XRCC4: variants seen among roughly 807,000 people sequenced by gnomAD.
XRCC4 encodes X-ray repair cross complementing 4, also known as DNA repair protein XRCC4.
Under a neutral mutation model 39.1 loss-of-function variants are expected in XRCC4, and 28 were observed. That is an observed-to-expected ratio of 0.72 (90% CI 0.53 to 0.98). XRCC4 has a LOEUF of 0.98. Among genes scored for constraint, XRCC4 ranks in the 50% least tolerant of loss-of-function variants. The pLI is 0.00. For missense variants in XRCC4, 350 were observed against 376.4 expected (o/e 0.93, Z 0.58); for synonymous variants, 123 against 126.4 (o/e 0.97, Z 0.18).
chr5:83,107,054 G>A (rs1296479224), intron 2 of XRCC4, among the ~76,000 whole-genome samples: 1 of 151,838 alleles, frequency 6.6e-6, no homozygotes, highest in East Asian at 1.9e-4. Context: ...ATTCTCAGGT[G>A]GATTGTTACC....
At chr5:83,338,145 A>C (rs762328261) in intron 7 of XRCC4, among the ~76,000 whole-genome samples, 2 of 152,204 alleles carry the variant, frequency 1.3e-5, no homozygotes, top group Non-Finnish European at 2.9e-5. Flanking sequence ...AAGAAGCTAG[A>C]AGTTGTACAA....
chr5:83,165,845 T>G (rs1330335535), intron 3 of XRCC4, among the ~76,000 whole-genome samples: 2 of 152,070 alleles, frequency 1.3e-5, no homozygotes, highest in African/African-American at 2.4e-5. Flanking sequence ...TATTTCATGG[T>G]GTGTATGTAC....
At chr5:83,190,163 A>G (rs1239995786) in intron 3 of XRCC4, among the ~76,000 whole-genome samples, 3 of 152,122 alleles carry the variant, frequency 2.0e-5, no homozygotes, top group Non-Finnish European at 4.4e-5. Flanking sequence ...CAAAACTACA[A>G]CCAAAAGTTG....
At chr5:83,280,388 T>G (rs1252928753) in intron 7 of XRCC4, 4 of 568,322 alleles carry the variant, frequency 7.0e-6, no homozygotes, top group Non-Finnish European at 1.3e-5. Flanking sequence ...CTTAAAATTC[T>G]TCTCTCTGAA....
intron 6 of XRCC4, among the ~76,000 whole-genome samples, chr5:83,224,599 A>G (rs2112797601): frequency 6.6e-6 from 1 of 152,274 alleles, no homozygotes; most frequent in Middle Eastern, 3.4e-3. Flanking sequence ...ACTTAATTTT[A>G]CCAATGAATT....
chr5:83,152,658 T>G (rs1356117220), intron 3 of XRCC4, among the ~76,000 whole-genome samples: 4 of 144,358 alleles, frequency 2.8e-5, no homozygotes, highest in Non-Finnish European at 4.6e-5. Context: ...AAAAAAGAAA[T>G]AGAACTTCAA....
chr5:83,311,715 CTG>C (rs1755714554), intron 7 of XRCC4, among the ~76,000 whole-genome samples: 1 of 152,004 alleles, frequency 6.6e-6, no homozygotes, highest in African/African-American at 2.4e-5. Flanking sequence ...GTATCTGTAT[CTG>C]TTTTATATAT....
chr5:83,314,716 T>C (rs1375714187), intron 7 of XRCC4, among the ~76,000 whole-genome samples: 1 of 152,146 alleles, frequency 6.6e-6, no homozygotes, highest in East Asian at 1.9e-4. Flanking sequence ...GATCATTTAT[T>C]TTACTATTGC....
chr5:83,197,233 G>A (rs995738351), intron 4 of XRCC4, among the ~76,000 whole-genome samples: 1 of 152,008 alleles, frequency 6.6e-6, no homozygotes, highest in Non-Finnish European at 1.5e-5. Context: ...TGATTTCAAT[G>A]TGATAGTATG....
intron 7 of XRCC4, among the ~76,000 whole-genome samples, chr5:83,267,497 A>G (rs1172426790): frequency 3.9e-5 from 6 of 152,170 alleles, no homozygotes; most frequent in Admixed American, 3.3e-4. Context: ...TGGAAATGAT[A>G]TGGGCAATTT....
At chr5:83,178,108 A>G (rs1292557185) in intron 3 of XRCC4, among the ~76,000 whole-genome samples, 1 of 152,164 alleles carries the variant, frequency 6.6e-6, no homozygotes, top group East Asian at 1.9e-4. Context: ...AAGCAAAATC[A>G]AGGATGATGC....
At chr5:83,250,831 ATAAAAT>A (rs1753280218) in intron 6 of XRCC4, among the ~76,000 whole-genome samples, 1 of 152,264 alleles carries the variant, frequency 6.6e-6, no homozygotes, top group Admixed American at 6.5e-5. Flanking sequence ...AATGTAAGAA[ATAAAAT>A]TATAATAGAT....
chr5:83,087,150 C>G (rs1745217479), intron 1 of XRCC4, among the ~76,000 whole-genome samples: 1 of 151,870 alleles, frequency 6.6e-6, no homozygotes, highest in Non-Finnish European at 1.5e-5. Context: ...AACCCCATCT[C>G]TACCAAAAAT....
In XRCC4 at chr5:83,189,271, TTG is replaced by T. The variant is rs142142076; in HGVS notation, c.316-6496_316-6495del. Among the ~76,000 whole-genome samples, 371 of 152,314 alleles carry T rather than the reference TTG, an allele frequency of 2.4e-3. 2 individuals carry two copies. The highest frequency in any genetic ancestry group is 8.5e-3 in the African/African-American group (354 of 41,568). ...TGAGATTTCTGTACTATGTAGACTT[TTG>T]TGGAGTTTTTTTCTTTTTTTTTGCT... On this transcript the variant is annotated intron_variant, in intron 3 of 7. Transcript: ENST00000396027.
chr5:83,363,487 C>T, the XRCC4 span, among the ~76,000 whole-genome samples: 1 of 152,122 alleles, frequency 6.6e-6, no homozygotes, highest in African/African-American at 2.4e-5. Context: ...AAGGCACAAC[C>T]ACACGCACTC....
intron 1 of XRCC4, among the ~76,000 whole-genome samples, chr5:83,085,055 T>C (rs1478484): frequency 0.5 from 76,197 of 152,050 alleles, 20,143 homozygotes; most frequent in African/African-American, 0.67. Flanking sequence ...TTCCATAGCT[T>C]TGCTAATCCT....
At chr5:83,138,903 T>TA (rs1424552559) in intron 3 of XRCC4, among the ~76,000 whole-genome samples, 3 of 152,092 alleles carry the variant, frequency 2.0e-5, no homozygotes, top group African/African-American at 7.2e-5. Context: ...GTAATATATA[T>TA]TTTTTATTGC....
At chr5:83,168,670 G>A (rs1749593787) in intron 3 of XRCC4, among the ~76,000 whole-genome samples, 1 of 152,066 alleles carries the variant, frequency 6.6e-6, no homozygotes, top group African/African-American at 2.4e-5. Flanking sequence ...CCAAATTTCT[G>A]TAGTAACTTA....
chr5:83,246,395 TA>T (rs1338140362), intron 6 of XRCC4, among the ~76,000 whole-genome samples: 1 of 152,140 alleles, frequency 6.6e-6, no homozygotes, highest in Non-Finnish European at 1.5e-5. Flanking sequence ...GTTGGCCTTA[TA>T]ATGAAAATTA....
Sources: gnomAD v4.1 joint callset for allele counts (sites outside exome capture counted in the v4.1 genomes callset) on GRCh38, gnomAD v4.1.1 for gene constraint, MANE v1.5 for transcripts, NCBI Gene and HGNC (gene_info 2026-07-23, HGNC 2026-07-21) for gene names.